The following ASTN2 variants were observed in gnomAD, a reference collection of about 807,000 sequenced individuals.
ASTN2 encodes astrotactin 2.
ASTN2 carries 54 observed loss-of-function variants against 139.8 expected under a neutral mutation model. The ratio of observed to expected loss-of-function variants is 0.39; its 90% CI spans 0.31 to 0.48. ASTN2 has a LOEUF of 0.48. Ranked by LOEUF, ASTN2 falls within the 20% of genes least tolerant of loss-of-function variation. ASTN2 has a pLI of 0.95. For missense variants in ASTN2, 1,565 were observed against 1,725.1 expected (o/e 0.91, Z 1.64); for synonymous variants, 756 against 719.5 (o/e 1.05, Z -0.81).
intron 4 of ASTN2, among the ~76,000 whole-genome samples, chr9:117,102,876 A>G (rs1319846325): frequency 7.0e-6 from 1 of 143,524 alleles, no homozygotes; most frequent in South Asian, 2.2e-4. Flanking sequence ...CGAAAAAAAG[A>G]AACCAACTTT....
chr9:116,876,657 A>G (rs1049519428), intron 10 of ASTN2, among the ~76,000 whole-genome samples: 2 of 152,238 alleles, frequency 1.3e-5, no homozygotes, highest in African/African-American at 4.8e-5. Context: ...CTGATCAGTG[A>G]GCAGCTGTCA....
chr9:117,214,738 C>A lies in ASTN2; in HGVS notation c.635G>T (p.Gly212Val), dbSNP rs1832256098. 2.7e-6 allele frequency: 4 copies of A among 1,493,676 alleles called. No individual in the cohort carries two copies. The highest frequency in any genetic ancestry group is 3.6e-6 in the Non-Finnish European group (4 of 1,121,056). The allele number at this position is 1,493,676 out of a possible 1,614,324, so 92.5% of individuals were successfully genotyped here. Residue 212 changes from glycine (G) to valine (V), a missense_variant, in exon 3 of 23, where the codon GGC becomes GTC. This residue lies in a region of ASTN2 where 596 missense variants were observed against 576.8 expected (regional missense o/e 1.03). Transcript: ENST00000313400. ...MHILHISVMG[G>V]LIALLLLLLV... The stretch of plus-strand genomic sequence containing the variant: ...CAGCAGCAGCAGCAGCGCGATGAGG[C>A]CACCCTGGAGCAGGAAGGAAGGACA...
chr9:116,772,470 A>G (rs574728274), intron 13 of ASTN2, among the ~76,000 whole-genome samples: 2 of 152,292 alleles, frequency 1.3e-5, no homozygotes, highest in South Asian at 2.1e-4. Context: ...CTTTTTCTGT[A>G]TAAATTACCC....
chr9:117,060,488 TGAAA>T (rs1206035737), intron 5 of ASTN2, among the ~76,000 whole-genome samples: 684 of 29,686 alleles, frequency 0.023, 79 homozygotes, highest in South Asian at 0.1. Flanking sequence ...AAGGAAGGAA[TGAAA>T]GAAAGAAAGA....
intron 10 of ASTN2, among the ~76,000 whole-genome samples, chr9:116,902,344 TAAAG>T (rs916204480): frequency 3.9e-5 from 6 of 152,194 alleles, no homozygotes; most frequent in Admixed American, 3.3e-4. Context: ...AATAAACATA[TAAAG>T]AAAGAAAATA....
intron 6 of ASTN2, among the ~76,000 whole-genome samples, chr9:117,033,909 T>C (rs906659945): frequency 6.6e-6 from 1 of 152,182 alleles, no homozygotes; most frequent in African/African-American, 2.4e-5. Context: ...ACTCAATAGA[T>C]AACAGACATG....
chr9:116,623,757 G>C (rs1856294546), intron 17 of ASTN2, among the ~76,000 whole-genome samples: 1 of 152,164 alleles, frequency 6.6e-6, no homozygotes, highest in Non-Finnish European at 1.5e-5. Context: ...TTACAGAAAA[G>C]CGTGCAGGAG....
intron 10 of ASTN2, among the ~76,000 whole-genome samples, chr9:116,963,567 T>A (rs966898370): frequency 6.6e-6 from 1 of 152,120 alleles, no homozygotes; most frequent in Non-Finnish European, 1.5e-5. Flanking sequence ...TGGTGGGGAC[T>A]GAAAGCAGTG....
Position 116,613,574 on chromosome 9 carries a change from C to A in ASTN2, c.3355+4750G>T, listed in dbSNP as rs10983270. The A allele has an allele frequency of 0.019, 3,010 of 155,734 alleles. 394 individuals carry two copies. The South Asian group carries it at 0.28, about 15-fold the overall frequency. 9.6% of individuals were successfully genotyped at this position (155,734 alleles called of 1,614,324 possible). A position where few individuals can be genotyped will look rare whatever the true frequency, so the allele number is the denominator to read the frequency against. On this transcript the variant is annotated intron_variant, in intron 19 of 22. Coordinates refer to ENST00000313400, the MANE Select transcript of ASTN2 (RefSeq NM_001365068.1). ...CTGGGATGCAAGGCTGGTTCAATATCCGCAAATCAATAAATGTAATCCAGC... is the reference window on the plus strand; with the variant it reads ...CTGGGATGCAAGGCTGGTTCAATATACGCAAATCAATAAATGTAATCCAGC...
At chr9:116,859,278 T>C (rs1332346983) in intron 11 of ASTN2, among the ~76,000 whole-genome samples, 2 of 152,248 alleles carry the variant, frequency 1.3e-5, no homozygotes, top group Non-Finnish European at 2.9e-5. Flanking sequence ...AATTAGGATG[T>C]GGACATCTTT....
intron 13 of ASTN2, among the ~76,000 whole-genome samples, chr9:116,789,910 T>TTC (rs1015555514): frequency 8.3e-5 from 12 of 145,130 alleles, no homozygotes; most frequent in African/African-American, 3.2e-4. Flanking sequence ...AACCTGACTT[T>TTC]TCTCTTTCTC....
Position 116,733,419 on chromosome 9 carries a change from G to T in ASTN2, c.2501C>A (p.Pro834Gln), listed in dbSNP as rs773659840. The T allele has an allele frequency of 6.2e-7, 1 of 1,614,104 alleles. No homozygotes were observed. Among genetic ancestry groups the T allele is most frequent in the Non-Finnish European group, 8.5e-7 (1 of 1,180,006 alleles). ...CTTACCAGTGAGCAGTTGGAGGTCT[G>T]GAAGGGGCTCGGAGAGGACCCCCCG... ...QCRGVLSEPLPDLQLLTGDIR... is the reference protein window; with the variant it reads ...QCRGVLSEPLQDLQLLTGDIR... Residue 834 changes from proline to glutamine, a missense_variant, in exon 14 of 23, where the codon CCA (proline) becomes CAA (glutamine). This residue lies in a region of ASTN2 where 503 missense variants were observed against 591.7 expected (regional missense o/e 0.85). Transcript: ENST00000313400.
At chr9:117,134,819 C>T (rs376960313) in intron 4 of ASTN2, among the ~76,000 whole-genome samples, 110 of 152,112 alleles carry the variant, frequency 7.2e-4, no homozygotes, top group African/African-American at 2.4e-3. Flanking sequence ...ACTGGTAGGC[C>T]GAGATCTAGT....
At chr9:117,221,665 G>A (rs149552187) in intron 2 of ASTN2, among the ~76,000 whole-genome samples, 2 of 152,082 alleles carry the variant, frequency 1.3e-5, no homozygotes, top group Non-Finnish European at 2.9e-5. Context: ...TGGCAGCCAC[G>A]ATGCCATGAT....
intron 20 of ASTN2, among the ~76,000 whole-genome samples, chr9:116,458,156 A>C (rs1848386786): frequency 6.6e-6 from 1 of 151,924 alleles, no homozygotes; most frequent in African/African-American, 2.4e-5. Context: ...TAAAAACAAA[A>C]AAAAAATTGA....
At chr9:117,241,515 C>G (rs555029208) in intron 2 of ASTN2, among the ~76,000 whole-genome samples, 1 of 152,138 alleles carries the variant, frequency 6.6e-6, no homozygotes, top group African/African-American at 2.4e-5. Flanking sequence ...AAAACTGTTC[C>G]ACCTCAGATC....
At chr9:116,816,896 A>AAAATAAATAAATAAATAAAT (rs10525804) in intron 12 of ASTN2, among the ~76,000 whole-genome samples, 47,632 of 147,740 alleles carry the variant, frequency 0.32, 8,556 homozygotes, top group Middle Eastern at 0.43. Context: ...GGTAGAAATG[A>AAAATAAATAAATAAATAAAT]AAATAAATAA....
At chr9:116,454,967 A>G (rs764059742) in intron 20 of ASTN2, among the ~76,000 whole-genome samples, 10 of 152,164 alleles carry the variant, frequency 6.6e-5, no homozygotes, top group Non-Finnish European at 1.5e-4. Context: ...CAGCACACCA[A>G]CATGGCACAT....
intron 20 of ASTN2, among the ~76,000 whole-genome samples, chr9:116,454,375 C>T (rs1263968279): frequency 6.6e-6 from 1 of 151,018 alleles, no homozygotes; most frequent in Non-Finnish European, 1.5e-5. Context: ...AGGTTCTAGA[C>T]AAGACAATTC....
Sources: gnomAD v4.1 joint callset for allele counts (sites outside exome capture counted in the v4.1 genomes callset) on GRCh38, gnomAD v4.1.1 for gene constraint, gnomAD v4.1.1 regional missense constraint, MANE v1.5 for transcripts, NCBI Gene and HGNC (gene_info 2026-07-23, HGNC 2026-07-21) for gene names.